Variants in PEBP4 observed in about 807,000 individuals in gnomAD.
PEBP4 encodes phosphatidylethanolamine-binding protein 4.
Under a neutral mutation model 23.9 loss-of-function variants are expected in PEBP4, and 22 were observed. The ratio of observed to expected loss-of-function variants is 0.92; its 90% CI spans 0.66 to 1.31. The LOEUF is 1.31. Ranked by LOEUF, PEBP4 falls within the 40% of genes most tolerant of loss-of-function variation. The probability of loss-of-function intolerance (pLI) is 0.00; values close to 1 mark genes in which losing one functional copy is unlikely to be tolerated. For synonymous variants in PEBP4, 112 were observed against 99.3 expected, an observed-to-expected ratio of 1.13 and a Z score of -0.76; for missense variants, 324 against 281.7, an observed-to-expected ratio of 1.15 and a Z score of -1.07.
intron 3 of PEBP4, among the ~76,000 whole-genome samples, chr8:22,834,151 C>A (rs538272613): frequency 5.9e-5 from 9 of 152,222 alleles, no homozygotes; most frequent in African/African-American, 1.9e-4. Context: ...AGTCGCCCTG[C>A]GCTCCCACTA....
intron 2 of PEBP4, among the ~76,000 whole-genome samples, chr8:22,922,750 A>T (rs1201087993): frequency 6.6e-6 from 1 of 152,022 alleles, no homozygotes; most frequent in Non-Finnish European, 1.5e-5. Flanking sequence ...TTCAAGCCAG[A>T]AAACCTCAAA....
chr8:22,819,423 G>A (rs993836665), intron 3 of PEBP4, among the ~76,000 whole-genome samples: 1 of 152,192 alleles, frequency 6.6e-6, no homozygotes, highest in African/African-American at 2.4e-5. Flanking sequence ...CAGTGGAGTA[G>A]AAAGGACTGA....
intron 4 of PEBP4, among the ~76,000 whole-genome samples, chr8:22,742,138 C>T (rs1417546647): frequency 6.6e-6 from 1 of 152,208 alleles, no homozygotes; most frequent in Non-Finnish European, 1.5e-5. Flanking sequence ...CACCCCTAGG[C>T]TGTGCCATGG....
chr8:22,932,650 T>A (rs533495722), upstream of PEBP4, among the ~76,000 whole-genome samples: 5 of 152,258 alleles, frequency 3.3e-5, no homozygotes, highest in African/African-American at 7.2e-5. Context: ...CCTCCTTAAC[T>A]GCACCCTGGG....
At chr8:22,912,761 G>A (rs1415793410) in intron 3 of PEBP4, among the ~76,000 whole-genome samples, 2 of 152,198 alleles carry the variant, frequency 1.3e-5, no homozygotes, top group Non-Finnish European at 2.9e-5. Flanking sequence ...TGCACCCAGA[G>A]GAGCCCCGGA....
intron 3 of PEBP4, among the ~76,000 whole-genome samples, chr8:22,878,360 G>T (rs78061270): frequency 1.3e-3 from 193 of 152,266 alleles, no homozygotes; most frequent in African/African-American, 4.1e-3. Context: ...ACCAGCATGG[G>T]CTCTGCGGGA....
chr8:22,916,488 C>T (rs1809074893), intron 3 of PEBP4, among the ~76,000 whole-genome samples: 1 of 152,162 alleles, frequency 6.6e-6, no homozygotes. Flanking sequence ...GCTTCCCCAC[C>T]CACCCCCCAG....
chr8:22,939,495 TAAG>T (rs982504087), intron 1 of PEBP4, among the ~76,000 whole-genome samples: 2 of 152,124 alleles, frequency 1.3e-5, no homozygotes, highest in African/African-American at 2.4e-5. Flanking sequence ...TTAAAATAGT[TAAG>T]AACAAGAATG....
At position 22,834,220 on chromosome 8, in the gene PEBP4, G is replaced by T. The variant is rs2128764534; in HGVS notation, c.259-16485C>A. ...CCCATAGTGGGCTGGTTGTGTTTGA[G>T]CCTCCCCCACCAAGTTCTGTATGGG... is the stretch of plus-strand genomic sequence containing the variant. On this transcript the variant is annotated intron_variant, in intron 3 of 6. Coordinates refer to ENST00000256404, the MANE Select transcript of PEBP4 (RefSeq NM_144962.3). Among the ~76,000 whole-genome samples, 4 of 152,342 alleles carry T rather than the reference G, an allele frequency of 2.6e-5. No individual in the cohort carries two copies. The South Asian group carries it at 8.3e-4, about 32-fold the overall frequency.
chr8:22,832,772 T>A (rs1475539760), intron 3 of PEBP4, among the ~76,000 whole-genome samples: 10 of 152,202 alleles, frequency 6.6e-5, no homozygotes, highest in Admixed American at 4.6e-4. Flanking sequence ...GCTGTGACAC[T>A]TGGAGCCTTG....
At chr8:22,935,245 G>A (rs1403149705) in intron 1 of PEBP4, among the ~76,000 whole-genome samples, 3 of 152,228 alleles carry the variant, frequency 2.0e-5, no homozygotes, top group Admixed American at 2.0e-4. Flanking sequence ...GACTGGCTGG[G>A]CATGGTGGCT....
At chr8:22,908,728 A>G (rs886218502) in intron 3 of PEBP4, among the ~76,000 whole-genome samples, 2 of 152,106 alleles carry the variant, frequency 1.3e-5, no homozygotes, top group Non-Finnish European at 2.9e-5. Flanking sequence ...AGGTATTCGT[A>G]CTCAGGAAGC....
intron 4 of PEBP4, among the ~76,000 whole-genome samples, chr8:22,744,322 C>A (rs1435164859): frequency 1.3e-5 from 2 of 152,214 alleles, no homozygotes; most frequent in Non-Finnish European, 2.9e-5. Flanking sequence ...GATAGACTCA[C>A]CTGTTTTCTC....
intron 3 of PEBP4, among the ~76,000 whole-genome samples, chr8:22,853,075 A>C (rs1807579206): frequency 6.6e-6 from 1 of 152,258 alleles, no homozygotes. Context: ...TCTTGGGCTA[A>C]AACAAGCATT....
intron 4 of PEBP4, among the ~76,000 whole-genome samples, chr8:22,783,177 C>A (rs1236000519): frequency 6.6e-6 from 1 of 152,238 alleles, no homozygotes; most frequent in African/African-American, 2.4e-5. Context: ...CTCTGTCTCC[C>A]CCATTCCAAC....
At chr8:22,867,336 C>T (rs1239460063) in intron 3 of PEBP4, among the ~76,000 whole-genome samples, 5 of 152,172 alleles carry the variant, frequency 3.3e-5, no homozygotes, top group Non-Finnish European at 7.3e-5. Context: ...TGCACATTTT[C>T]ATTAATCGGG....
chr8:22,786,206 T>TCTA, intron 4 of PEBP4, among the ~76,000 whole-genome samples: 1 of 152,202 alleles, frequency 6.6e-6, no homozygotes, highest in Non-Finnish European at 1.5e-5. Context: ...TCTAATACAT[T>TCTA]ATGTATTCTG....
At chr8:22,794,682 GCTT>G (rs1490401295) in intron 4 of PEBP4, among the ~76,000 whole-genome samples, 2 of 152,066 alleles carry the variant, frequency 1.3e-5, no homozygotes, top group Non-Finnish European at 2.9e-5. Context: ...TGTGCTGCTT[GCTT>G]CTTAATTTTA....
intron 3 of PEBP4, among the ~76,000 whole-genome samples, chr8:22,879,649 G>A (rs905233364): frequency 2.6e-4 from 39 of 152,340 alleles, no homozygotes; most frequent in African/African-American, 7.7e-4. Flanking sequence ...TCCCACGAGG[G>A]TCGAGGGTCG....
Sources: allele counts gnomAD v4.1 joint callset (sites outside exome capture counted in the v4.1 genomes callset), GRCh38; gene constraint gnomAD v4.1.1; transcripts MANE v1.5; gene names NCBI Gene and HGNC (gene_info 2026-07-23, HGNC 2026-07-21).